Variants in EIF3C observed in about 807,000 individuals in gnomAD.
EIF3C encodes eukaryotic translation initiation factor 3 subunit C, also known as cell migration-inducing protein 17.
A neutral mutation model predicts 11.1 loss-of-function variants in EIF3C; 2 were observed. The observed-to-expected ratio is 0.18, with a 90% CI of 0.07 to 0.57. The LOEUF is 0.57. Among genes scored for constraint, EIF3C ranks in the 20% least tolerant of loss-of-function variants. The pLI, the probability that EIF3C is intolerant of heterozygous loss-of-function variation, is 0.92. For missense variants in EIF3C, 16 were observed against 114.6 expected, an observed-to-expected ratio of 0.14 and a Z score of 3.93; for synonymous variants, 2 against 41.5, an observed-to-expected ratio of 0.05 and a Z score of 3.66.
chr16:28,698,025 G>C (rs1191187686), intron 1 of EIF3C, among the ~76,000 whole-genome samples: 20 of 62,836 alleles, frequency 3.2e-4, no homozygotes, highest in African/African-American at 2.2e-3. Flanking sequence ...CCTCCCGGAC[G>C]GGGCGGCTGG....
chr16:28,712,521 ACCTC>A (rs2048310120), intron 2 of EIF3C, among the ~76,000 whole-genome samples: 1 of 101,730 alleles, frequency 9.8e-6, no homozygotes, highest in Non-Finnish European at 2.0e-5. Context: ...GCTCAAGTGA[ACCTC>A]CCGCCCAGCA....
rs1350324084 is a variant in EIF3C, at chr16:28,689,200, C to A, written c.-31+372C>A. On this transcript the variant is annotated intron_variant, in intron 1 of 20. Coordinates refer to the EIF3C transcript ENST00000566501. ...CTGGGATTACAGGCGTGAGCCACCA[C>A]GCCCGGCCCCATGGGTGTTTTTTAG... Among the ~76,000 whole-genome samples, 5 of 48,328 alleles carry A rather than the reference C, an allele frequency of 1.0e-4. 2 individuals are homozygous for A. In the Admixed American group the frequency reaches 1.1e-3, roughly 11 times the overall value. 31.7% of individuals were successfully genotyped at this position (48,328 alleles called of 152,430 possible). A position where few individuals can be genotyped will look rare whatever the true frequency, so the allele number is the denominator to read the frequency against.
intron 1 of EIF3C, among the ~76,000 whole-genome samples, chr16:28,698,252 G>A (rs1279742938): frequency 1.6e-5 from 2 of 124,954 alleles, no homozygotes; most frequent in African/African-American, 6.3e-5. Context: ...GCCGGGTGGG[G>A]GGGCTGACCC....
chr16:28,732,487 TTTCCCTTTTC>T (rs2048453333), intron 16 of EIF3C, among the ~76,000 whole-genome samples: 1 of 61,986 alleles, frequency 1.6e-5, no homozygotes, highest in African/African-American at 7.3e-5. Context: ...CTGATCTTTC[TTTCCCTTTTC>T]TTCCCTTCAT....
chr16:28,729,993 T>C (rs1178343217), intron 15 of EIF3C, among the ~76,000 whole-genome samples: 1 of 150,398 alleles, frequency 6.6e-6, no homozygotes, highest in African/African-American at 2.4e-5. Context: ...TCTCCTTCAT[T>C]CTATTCATAT....
In EIF3C at chr16:28,725,765, C is replaced by CGAA. The variant is rs1555491085; in HGVS notation, c.1402+753_1402+754insGAA. 2.9e-4 allele frequency among the ~76,000 whole-genome samples: 6 copies of CGAA among 20,986 alleles called. No homozygotes were observed. The South Asian group carries it at 0.013, about 45-fold the overall frequency. 13.8% of individuals were successfully genotyped at this position (20,986 alleles called of 152,430 possible). A position where few individuals can be genotyped will look rare whatever the true frequency, so the allele number is the denominator to read the frequency against. ...TGGGCGACAGAGCAAGACTCCATCTCAAAAAAAAAAAAAAATAGTATGATG... is the reference window on the plus strand; with the variant it reads ...TGGGCGACAGAGCAAGACTCCATCTCGAAAAAAAAAAAAAAAAATAGTATGATG... On this transcript the variant is annotated intron_variant, in intron 13 of 20. Coordinates refer to ENST00000331666, the MANE Select transcript of EIF3C (RefSeq NM_003752.5).
chr16:28,698,261 C>A (rs1287087134), intron 1 of EIF3C, among the ~76,000 whole-genome samples: 1 of 122,326 alleles, frequency 8.2e-6, no homozygotes. Flanking sequence ...GGGGGCTGAC[C>A]CCCCCATCTC....
intron 15 of EIF3C, among the ~76,000 whole-genome samples, chr16:28,728,521 G>GGTGTGTGT (rs56292996): frequency 0.011 from 935 of 86,648 alleles, 6 homozygotes; most frequent in East Asian, 0.064. Context: ...ATCTTTTAGG[G>GGTGTGTGT]GTGTGTGTGT....
intron 1 of EIF3C, among the ~76,000 whole-genome samples, chr16:28,698,247 G>A (rs1255566191): frequency 1.6e-5 from 2 of 122,440 alleles, no homozygotes; most frequent in African/African-American, 6.5e-5. Flanking sequence ...GGCTGGCCGG[G>A]TGGGGGGGCT....
chr16:28,696,352 C>T lies in EIF3C; in HGVS notation c.-31+7524C>T, dbSNP rs1462163350. On this transcript the variant is annotated intron_variant, in intron 1 of 20. Transcript: ENST00000566501. ...CTGTACTCCAGCCTAGGCAAAAGAG[C>T]GAAACTGTGTCTAAAAAAAAAAAAA... is the stretch of plus-strand genomic sequence containing the variant. 1.1e-4 allele frequency among the ~76,000 whole-genome samples: 4 copies of T among 34,842 alleles called. 1 individual carries two copies. Among genetic ancestry groups the T allele is most frequent in the East Asian group, 5.9e-4 (1 of 1,692 alleles). The allele number at this position is 34,842 out of a possible 152,430, so 22.9% of individuals were successfully genotyped here.
chr16:28,698,377 G>T (rs868381239), intron 1 of EIF3C, among the ~76,000 whole-genome samples: 1 of 64,788 alleles, frequency 1.5e-5, no homozygotes, highest in Non-Finnish European at 2.8e-5. Context: ...CTGGCCGGGT[G>T]GGGGGCTGAC....
At chr16:28,698,321 T>G in intron 1 of EIF3C, among the ~76,000 whole-genome samples, 1 of 89,174 alleles carries the variant, frequency 1.1e-5, no homozygotes, top group African/African-American at 5.0e-5. Context: ...CACTTCCCAG[T>G]AGGGGCGGCC....
At chr16:28,697,131 A>AT (rs546075666) in intron 1 of EIF3C, among the ~76,000 whole-genome samples, 161 of 12,538 alleles carry the variant, frequency 0.013, 30 homozygotes, top group African/African-American at 0.047. Flanking sequence ...CGCCTGGCTA[A>AT]TTTTTTTTTT....
intron 1 of EIF3C, among the ~76,000 whole-genome samples, chr16:28,704,451 C>G (rs1266865642): frequency 3.7e-5 from 4 of 108,828 alleles, no homozygotes; most frequent in Non-Finnish European, 7.2e-5. Flanking sequence ...TAATCCCATG[C>G]TTTGGGAGGC....
intron 1 of EIF3C, among the ~76,000 whole-genome samples, chr16:28,697,977 G>A (rs1444719536): frequency 2.6e-5 from 2 of 76,216 alleles, no homozygotes; most frequent in African/African-American, 7.2e-5. Context: ...CCCGGGCGGG[G>A]CGGCTGGCCG....
Position 28,723,175 on chromosome 16 carries a change from C to T in EIF3C, c.788C>T (p.Thr263Ile). 6.2e-7 allele frequency: 1 copy of T among 1,613,804 alleles called. No homozygotes were observed. ...ATGTCTGTCGGCAGGGCACCCACCA[C>T]AGATGAGGACAAGAAGGCAGCCGAG... ...ASRFLKKAPT[T>I]DEDKKAAEKK... Residue 263 changes from threonine to isoleucine, a missense_variant, in exon 9 of 21, where the codon ACA becomes ATA. Transcript: ENST00000331666.
rs1402294611 is a variant in EIF3C, at chr16:28,729,967, G to C, written c.1819-1862G>C. Among the ~76,000 whole-genome samples, 3 of 150,486 alleles carry C rather than the reference G, an allele frequency of 2.0e-5. 1 individual carries two copies. The South Asian group carries it at 6.3e-4, about 32-fold the overall frequency. On this transcript the variant is annotated intron_variant, in intron 15 of 20. Coordinates refer to ENST00000331666, the MANE Select transcript of EIF3C (RefSeq NM_003752.5). Reference sequence around the variant, plus strand: ...GAGCAAGACTGTCTCAAAAAGAAAAGAAATACCCGGTTACTTCTCCTTCAT... The same window carrying C: ...GAGCAAGACTGTCTCAAAAAGAAAACAAATACCCGGTTACTTCTCCTTCAT...
At chr16:28,691,249 T>C (rs1020956872) in intron 1 of EIF3C, among the ~76,000 whole-genome samples, 1 of 35,560 alleles carries the variant, frequency 2.8e-5, no homozygotes, top group Non-Finnish European at 4.3e-5. Context: ...GTTGGACGAA[T>C]TTACAAAGCT....
At chr16:28,698,645 T>G (rs1192639887) in intron 1 of EIF3C, among the ~76,000 whole-genome samples, 5 of 75,188 alleles carry the variant, frequency 6.7e-5, no homozygotes, top group African/African-American at 1.3e-4. Context: ...ATGGGGTGGC[T>G]GCCGGGCGGA....
Sources: gnomAD v4.1 joint callset for allele counts (sites outside exome capture counted in the v4.1 genomes callset) on GRCh38, gnomAD v4.1.1 for gene constraint, MANE v1.5 for transcripts, NCBI Gene and HGNC (gene_info 2026-07-23, HGNC 2026-07-21) for gene names.